The following IMPG1 variants were observed in gnomAD, a reference collection of about 807,000 sequenced individuals.
The protein encoded by IMPG1 is interphotoreceptor matrix proteoglycan 1.
In IMPG1, 85 loss-of-function variants were observed where a neutral mutation model predicts 92.0. The observed-to-expected ratio is 0.92, with a 90% confidence interval of 0.78 to 1.11. The LOEUF is 1.11. IMPG1 is among the 50% of genes least tolerant of loss of function. The pLI is 0.00. For synonymous variants in IMPG1, 367 were observed against 334.1 expected, an observed-to-expected ratio of 1.10 and a Z score of -1.08; for missense variants, 1,022 against 956.0, an observed-to-expected ratio of 1.07 and a Z score of -0.91.
intron 12 of IMPG1, among the ~76,000 whole-genome samples, chr6:75,991,316 G>A (rs1026881735): frequency 6.6e-5 from 10 of 151,930 alleles, no homozygotes; most frequent in African/African-American, 2.4e-4. Context: ...GCTTGAACCC[G>A]GGAGGCGGAG....
chr6:75,976,130 A>T (rs923013167), intron 12 of IMPG1, among the ~76,000 whole-genome samples: 8 of 152,190 alleles, frequency 5.3e-5, no homozygotes, highest in African/African-American at 9.7e-5. Context: ...TCATTAACTA[A>T]TGAGGTAAAT....
chr6:75,974,910 CTTGGTT>C lies in IMPG1; in HGVS notation c.1292-23822_1292-23817del, dbSNP rs1322027285. 2.0e-5 allele frequency among the ~76,000 whole-genome samples: 3 copies of C among 152,282 alleles called. No homozygotes were observed. In the East Asian group the frequency reaches 5.8e-4, roughly 29 times the overall value. The stretch of plus-strand genomic sequence containing the variant: ...ATAAATTTTAGAGAACATTCAGAGG[CTTGGTT>C]TTTATGCAGTGTTGTTTTTCTATCA... On this transcript the variant is annotated intron_variant, in intron 12 of 16. Coordinates refer to ENST00000369950, the MANE Select transcript of IMPG1 (RefSeq NM_001563.4).
chr6:76,071,357 T>C (rs1042375771), intron 1 of IMPG1, among the ~76,000 whole-genome samples: 8 of 150,560 alleles, frequency 5.3e-5, no homozygotes, highest in Non-Finnish European at 1.0e-4. Flanking sequence ...GTTCAGAATA[T>C]ACCAAAATCT....
chr6:75,950,925 A>G lies in IMPG1; in HGVS notation c.1461T>C (p.Ser487=), dbSNP rs1405322605. ...TTCCCAGAGCCAGTTGGCTGATTGC[A>G]GAATAATCACTGGTGGGGATGGTGA... ...PGLTIPTSDY[S]AISQLALGIS... is the part of the protein sequence containing the mutation. Residue 487 remains serine, a synonymous_variant, in exon 13 of 17, where the codon TCT becomes TCC. Coordinates refer to ENST00000369950, the MANE Select transcript of IMPG1 (RefSeq NM_001563.4). 11 of 1,613,992 alleles carry G rather than the reference A, an allele frequency of 6.8e-6. No homozygotes were observed. The East Asian group carries it at 2.5e-4, about 36-fold the overall frequency.
At chr6:76,003,776 G>A in intron 11 of IMPG1, 98 bp downstream of exon 11, 1 of 847,674 alleles carries the variant, frequency 1.2e-6, no homozygotes, top group Non-Finnish European at 1.9e-6. Flanking sequence ...CATTGCAAAG[G>A]GGATTTTGCT....
intron 12 of IMPG1, among the ~76,000 whole-genome samples, chr6:75,987,777 C>T (rs1191002860): frequency 4.0e-5 from 6 of 151,650 alleles, no homozygotes; most frequent in Non-Finnish European, 8.8e-5. Context: ...CCCGAGTAGC[C>T]GGGACTGCAG....
intron 3 of IMPG1, 40 bp downstream of exon 3, chr6:76,034,581 C>T (rs2274348): frequency 0.22 from 346,824 of 1,601,976 alleles, 39,444 homozygotes; most frequent in East Asian, 0.3. Flanking sequence ...GGGAACTGTT[C>T]GTGCAGTGTT....
At chr6:76,011,052 G>T in intron 8 of IMPG1, 114 bp downstream of exon 8, 2 of 611,550 alleles carry the variant, frequency 3.3e-6, no homozygotes, top group Admixed American at 3.1e-5. Flanking sequence ...CCAGGATTTG[G>T]CAGAGCTAAA....
chr6:76,069,112 T>C (rs1430502939), intron 1 of IMPG1, among the ~76,000 whole-genome samples: 2 of 151,962 alleles, frequency 1.3e-5, no homozygotes, highest in African/African-American at 4.8e-5. Context: ...GACAAAAATA[T>C]ACACTGGGGA....
chr6:75,983,050 C>T (rs1782654970), intron 12 of IMPG1, among the ~76,000 whole-genome samples: 1 of 151,926 alleles, frequency 6.6e-6, no homozygotes, highest in African/African-American at 2.4e-5. Flanking sequence ...AATTCAAGTG[C>T]AGCTAAAATG....
intron 1 of IMPG1, among the ~76,000 whole-genome samples, chr6:76,057,516 C>G (rs1467955427): frequency 6.6e-6 from 1 of 152,090 alleles, no homozygotes; most frequent in African/African-American, 2.4e-5. Flanking sequence ...AGAGTATAAG[C>G]ACCCCGGCTA....
chr6:76,001,663 G>A (rs1343595640), intron 12 of IMPG1, among the ~76,000 whole-genome samples: 1 of 152,166 alleles, frequency 6.6e-6, no homozygotes, highest in Non-Finnish European at 1.5e-5. Context: ...CAGCCAGTGA[G>A]TGAACCGTTT....
intron 4 of IMPG1, among the ~76,000 whole-genome samples, chr6:76,027,687 G>GT (rs1342930320): frequency 3.9e-5 from 6 of 152,240 alleles, no homozygotes; most frequent in Non-Finnish European, 5.9e-5. Flanking sequence ...GTATTATATG[G>GT]TTTTTTCCGT....
In IMPG1 at chr6:75,977,307, G is replaced by T. The variant is rs112840684; in HGVS notation, c.1291+25611C>A. Among the ~76,000 whole-genome samples the T allele has an allele frequency of 8.5e-5, 13 of 152,208 alleles. No individual in the cohort carries two copies. In the East Asian group the frequency reaches 2.5e-3, roughly 29 times the overall value. ...AAGATTGCTGCTAAAGACTTAAGCC[G>T]CCAGGCGCGGTGGCTCACGCCTGTA... On this transcript the variant is annotated intron_variant, in intron 12 of 16. Coordinates refer to ENST00000369950, the MANE Select transcript of IMPG1 (RefSeq NM_001563.4).
chr6:75,937,532 C>T (rs1781767006), intron 14 of IMPG1, among the ~76,000 whole-genome samples: 1 of 152,140 alleles, frequency 6.6e-6, no homozygotes, highest in Non-Finnish European at 1.5e-5. Context: ...CAGCAAAAGA[C>T]AAATTACTTA....
intron 15 of IMPG1, 91 bp from the exon 16 acceptor site, chr6:75,923,797 T>A: frequency 1.4e-6 from 1 of 720,262 alleles, no homozygotes; most frequent in Non-Finnish European, 2.4e-6. Flanking sequence ...AGTTTTAACA[T>A]CATGACAAGT....
At chr6:76,007,368 A>G (rs1258518897) in intron 9 of IMPG1, 112 bp downstream of exon 9, 20 of 724,690 alleles carry the variant, frequency 2.8e-5, no homozygotes, top group Non-Finnish European at 4.3e-5. Context: ...ACCATCAAAA[A>G]GTAATGGGCT....
At chr6:76,034,490 C>A in intron 3 of IMPG1, 131 bp downstream of exon 3, 1 of 1,225,160 alleles carries the variant, frequency 8.2e-7, no homozygotes, top group Non-Finnish European at 1.2e-6. Flanking sequence ...TTCTATTGGC[C>A]TAATCAGATA....
At chr6:76,058,142 C>A (rs554623766) in intron 1 of IMPG1, among the ~76,000 whole-genome samples, 2 of 152,164 alleles carry the variant, frequency 1.3e-5, no homozygotes, top group East Asian at 1.9e-4. Context: ...AATCCATAGG[C>A]TGCCTTTTCA....
Sources: allele counts gnomAD v4.1 joint callset (sites outside exome capture counted in the v4.1 genomes callset), GRCh38; gene constraint gnomAD v4.1.1; transcripts MANE v1.5; gene names NCBI Gene and HGNC (gene_info 2026-07-23, HGNC 2026-07-21).